Variants in STK3 observed in about 807,000 individuals in gnomAD.
The protein encoded by STK3 is serine/threonine kinase 3.
A neutral mutation model predicts 58.0 loss-of-function variants in STK3; 41 were observed. That is an observed-to-expected ratio of 0.71 (90% CI 0.55 to 0.92). The LOEUF (loss-of-function observed/expected upper bound fraction) is 0.92. Ranked by LOEUF, STK3 falls within the 40% of genes least tolerant of loss-of-function variation. The pLI, the probability that STK3 is intolerant of heterozygous loss-of-function variation, is 0.00. For missense variants in STK3, 479 were observed against 602.7 expected (o/e 0.79, Z 2.15); for synonymous variants, 170 against 191.0 (o/e 0.89, Z 0.91).
At chr8:98,423,998 G>A (rs994588761) in intron 3 of STK3, among the ~76,000 whole-genome samples, 10 of 152,204 alleles carry the variant, frequency 6.6e-5, no homozygotes, top group African/African-American at 2.2e-4. Context: ...CTCAACCTGC[G>A]CCTGGAGCAG....
At chr8:98,379,100 G>C (rs76624149) in intron 2 of STK3, 1 of 3,804 alleles carries the variant, frequency 2.6e-4, no homozygotes, top group Non-Finnish European at 1.7e-3. Flanking sequence ...TAGCTCAGAT[G>C]GGGGTTAGGG....
rs566771728 is a variant in STK3 at position 98,599,028 on chromosome 8, T to C, written c.685-2859A>G. ...CAATGACTGAACTTTATAATCTCAGTGGAATGAGTCAACACATGTCTGACT... is the reference window on the plus strand; with the variant it reads ...CAATGACTGAACTTTATAATCTCAGCGGAATGAGTCAACACATGTCTGACT... On this transcript the variant is annotated intron_variant, in intron 6 of 10. Transcript: ENST00000419617. The C allele has an allele frequency of 9.7e-6, 4 of 414,400 alleles. No individual in the cohort carries two copies. The East Asian group carries it at 6.4e-4, about 67-fold the overall frequency. The allele number at this position is 414,400 out of a possible 1,614,324, so 25.7% of individuals were successfully genotyped here.
At chr8:98,500,536 C>G (rs1407454986) in intron 10 of STK3, among the ~76,000 whole-genome samples, 3 of 152,132 alleles carry the variant, frequency 2.0e-5, no homozygotes, top group Non-Finnish European at 4.4e-5. Flanking sequence ...TGACAGGCCC[C>G]CATGTGTGAT....
chr8:98,518,976 C>T (rs1259634054), intron 10 of STK3, among the ~76,000 whole-genome samples: 3 of 152,058 alleles, frequency 2.0e-5, no homozygotes, highest in African/African-American at 7.2e-5. Flanking sequence ...TTCTTCTTTA[C>T]CCTAGAAGAA....
rs1002721928 is a variant in STK3, at chr8:98,455,049, ATTAAG to A, written c.*788_*792del. On this transcript the variant is annotated 3_prime_UTR_variant, in exon 11 of 11. Transcript: ENST00000419617. ...AACAATATTAACAAATTACATTTGT[ATTAAG>A]TTTTTATTTAAAAATATTTATCACA... 13 of 152,662 alleles carry A rather than the reference ATTAAG, an allele frequency of 8.5e-5. No homozygotes were observed. Among genetic ancestry groups the A allele is most frequent in the Admixed American group, 2.0e-4 (3 of 15,288 alleles). The allele number at this position is 152,662 out of a possible 1,614,324, so 9.5% of individuals were successfully genotyped here.
At chr8:98,363,378 G>A in the STK3 span, among the ~76,000 whole-genome samples, 1 of 152,292 alleles carries the variant, frequency 6.6e-6, no homozygotes, top group East Asian at 1.9e-4. Flanking sequence ...AGAATAACAA[G>A]GAGACTCATG....
chr8:98,877,781 C>A (rs748709637), intron 3 of STK3, among the ~76,000 whole-genome samples: 2 of 151,816 alleles, frequency 1.3e-5, no homozygotes, highest in African/African-American at 4.8e-5. Context: ...CCGTGCCCAG[C>A]CCAGTCATTC....
intron 6 of STK3, among the ~76,000 whole-genome samples, chr8:98,655,249 T>C (rs975873628): frequency 1.1e-4 from 16 of 152,218 alleles, no homozygotes; most frequent in African/African-American, 3.6e-4. Context: ...ATCCCCTATT[T>C]AATAAACGGT....
chr8:98,740,078 G>C (rs1352899419), intron 4 of STK3, among the ~76,000 whole-genome samples: 1 of 152,218 alleles, frequency 6.6e-6, no homozygotes, highest in Non-Finnish European at 1.5e-5. Flanking sequence ...AAGCCTCCAA[G>C]AAATATGGGA....
intron 1 of STK3, among the ~76,000 whole-genome samples, chr8:98,802,865 T>A (rs1187480745): frequency 6.6e-6 from 1 of 152,206 alleles, no homozygotes; most frequent in South Asian, 2.1e-4. Context: ...TGTACAGAAT[T>A]GAACCATTTT....
At chr8:98,374,335 AGGTACCAACCACTCATATCT>A (rs1255734482) in intron 2 of STK3, among the ~76,000 whole-genome samples, 81 of 152,338 alleles carry the variant, frequency 5.3e-4, no homozygotes, top group African/African-American at 1.9e-3. Context: ...CCAACAGTCC[AGGTACCAACCACTCATATCT>A]GGTGGCTTTA....
intron 7 of STK3, among the ~76,000 whole-genome samples, chr8:98,583,470 A>C (rs1405492203): frequency 7.1e-6 from 1 of 141,234 alleles, no homozygotes; most frequent in Non-Finnish European, 1.6e-5. Context: ...AGTCTTCTGA[A>C]GATTGAAAGT....
intron 1 of STK3, among the ~76,000 whole-genome samples, chr8:98,917,524 G>A (rs898043539): frequency 6.6e-6 from 1 of 152,088 alleles, no homozygotes; most frequent in Non-Finnish European, 1.5e-5. Flanking sequence ...GCTTAAGAAC[G>A]GGATTAGTAC....
chr8:98,656,183 T>C (rs1057267566), intron 6 of STK3, among the ~76,000 whole-genome samples: 88 of 152,228 alleles, frequency 5.8e-4, no homozygotes, highest in Non-Finnish European at 8.8e-4. Context: ...ATGTCCTTTG[T>C]AGGGACATGG....
At chr8:98,616,942 C>A (rs930411320) in intron 6 of STK3, among the ~76,000 whole-genome samples, 2 of 152,142 alleles carry the variant, frequency 1.3e-5, no homozygotes, top group African/African-American at 4.8e-5. Context: ...GAATTTAACT[C>A]ATCTCCGCAC....
At chr8:98,822,623 T>C (rs1333241744) in intron 1 of STK3, among the ~76,000 whole-genome samples, 1 of 152,224 alleles carries the variant, frequency 6.6e-6, no homozygotes, top group Non-Finnish European at 1.5e-5. Flanking sequence ...TAGGCTTTGA[T>C]GGAAGAATAA....
At chr8:98,706,146 A>C (rs757635322) in intron 6 of STK3, among the ~76,000 whole-genome samples, 19 of 152,122 alleles carry the variant, frequency 1.2e-4, no homozygotes, top group Non-Finnish European at 2.6e-4. Flanking sequence ...TACCACAATC[A>C]AGAAAACAAT....
At chr8:98,688,152 G>T (rs1357337914) in intron 6 of STK3, among the ~76,000 whole-genome samples, 2 of 151,996 alleles carry the variant, frequency 1.3e-5, no homozygotes, top group Admixed American at 1.3e-4. Flanking sequence ...TTAAACAAAC[G>T]ACTGTAAAAA....
At chr8:98,688,785 A>G (rs926350188) in intron 6 of STK3, among the ~76,000 whole-genome samples, 4 of 152,172 alleles carry the variant, frequency 2.6e-5, no homozygotes, top group African/African-American at 9.6e-5. Context: ...TGTTAAGAGG[A>G]AAGTTTAGAA....
Sources: allele counts gnomAD v4.1 joint callset (sites outside exome capture counted in the v4.1 genomes callset), GRCh38; gene constraint gnomAD v4.1.1; transcripts MANE v1.5; gene names NCBI Gene and HGNC (gene_info 2026-07-23, HGNC 2026-07-21).